Variants in PIK3C2G observed in about 807,000 individuals in gnomAD.
PIK3C2G encodes phosphatidylinositol 3-kinase C2 domain-containing subunit gamma.
PIK3C2G carries 168 observed loss-of-function variants against 181.1 expected under a neutral mutation model. That is an observed-to-expected ratio of 0.93 (90% CI 0.82 to 1.05). The LOEUF is 1.05. Among genes scored for constraint, PIK3C2G ranks in the 50% least tolerant of loss-of-function variants. The probability of loss-of-function intolerance (pLI) is 0.00; values close to 1 mark genes in which losing one functional copy is unlikely to be tolerated. For synonymous variants in PIK3C2G, 573 were observed against 592.2 expected, an observed-to-expected ratio of 0.97 and a Z score of 0.47; for missense variants, 1,869 against 1,732.8, an observed-to-expected ratio of 1.08 and a Z score of -1.40.
chr12:18,389,706 A>C (rs1943418732), intron 14 of PIK3C2G, among the ~76,000 whole-genome samples: 1 of 152,216 alleles, frequency 6.6e-6, no homozygotes, highest in African/African-American at 2.4e-5. Context: ...ATAGTAACTC[A>C]AGAATCAGTA....
intron 25 of PIK3C2G, among the ~76,000 whole-genome samples, chr12:18,541,385 C>T (rs935249491): frequency 4.0e-5 from 6 of 151,828 alleles, no homozygotes; most frequent in African/African-American, 7.2e-5. Flanking sequence ...AGAGTATTGC[C>T]GGCTGAGTTC....
At chr12:18,700,172 A>G in the PIK3C2G span, among the ~76,000 whole-genome samples, 6 of 152,130 alleles carry the variant, frequency 3.9e-5, no homozygotes, top group Non-Finnish European at 8.8e-5. Context: ...GATTAATGTA[A>G]TAAGTATTGA....
At chr12:18,538,402 C>A in intron 25 of PIK3C2G, 90 bp downstream of exon 25, 1 of 1,069,408 alleles carries the variant, frequency 9.4e-7, no homozygotes, top group Non-Finnish European at 1.4e-6. Context: ...CTTGGAGTTC[C>A]CCAAGGAGCT....
At chr12:18,491,137 C>T (rs1407036207) in intron 19 of PIK3C2G, among the ~76,000 whole-genome samples, 1 of 152,144 alleles carries the variant, frequency 6.6e-6, no homozygotes, top group Non-Finnish European at 1.5e-5. Context: ...TTGGCGGCCA[C>T]GCAGGTCAAG....
At chr12:18,466,602 T>C (rs1221308637) in intron 18 of PIK3C2G, among the ~76,000 whole-genome samples, 1 of 151,974 alleles carries the variant, frequency 6.6e-6, no homozygotes, top group Non-Finnish European at 1.5e-5. Flanking sequence ...CAGATAAGTC[T>C]ATTCTAAGGA....
At chr12:18,471,665 T>C (rs1025284048) in intron 18 of PIK3C2G, among the ~76,000 whole-genome samples, 3 of 152,178 alleles carry the variant, frequency 2.0e-5, no homozygotes, top group African/African-American at 7.2e-5. Context: ...CTGTGAACTT[T>C]CTACAATTAT....
intron 26 of PIK3C2G, among the ~76,000 whole-genome samples, chr12:18,556,567 G>A (rs565266850): frequency 2.0e-5 from 3 of 152,256 alleles, no homozygotes; most frequent in African/African-American, 7.2e-5. Context: ...ATATCTTCAT[G>A]AGAAGTGAGT....
chr12:18,282,465 C>T lies in PIK3C2G; in HGVS notation c.384C>T (p.Ser128=). ...CGAATAAAGAATGCTCCTGGGGAAGCCCCATAGGAAAACATCATGGTGCTG... is the reference window on the plus strand; with the variant it reads ...CGAATAAAGAATGCTCCTGGGGAAGTCCCATAGGAAAACATCATGGTGCTG... ...QNTNKECSWG[S]PIGKHHGADD... is the part of the protein sequence containing the mutation. The change falls in exon 2 of 33, where the codon AGC becomes AGT. Residue 128 remains serine, a synonymous_variant. Coordinates refer to ENST00000538779, the MANE Select transcript of PIK3C2G (RefSeq NM_001288772.2). 1.7e-6 allele frequency: 1 copy of T among 601,018 alleles called. No homozygotes were observed. The highest frequency in any genetic ancestry group is 2.5e-6 in the Non-Finnish European group (1 of 407,876). The allele number at this position is 601,018 out of a possible 1,614,324, so 37.2% of individuals were successfully genotyped here. A position where few individuals can be genotyped will look rare whatever the true frequency, so the allele number is the denominator to read the frequency against.
chr12:18,320,849 T>C, intron 6 of PIK3C2G, 113 bp from the exon 7 acceptor site: 1 of 652,726 alleles, frequency 1.5e-6, no homozygotes, highest in South Asian at 1.9e-5. Flanking sequence ...AAGCGATGAA[T>C]GAGGTTTATC....
chr12:18,331,167 A>C (rs577463434), intron 8 of PIK3C2G, among the ~76,000 whole-genome samples: 3 of 152,156 alleles, frequency 2.0e-5, no homozygotes, highest in Admixed American at 6.5e-5. Context: ...ATCAGGCAAT[A>C]TAAGTTCTCC....
chr12:18,718,128 TATA>T, the PIK3C2G span, among the ~76,000 whole-genome samples: 1 of 152,190 alleles, frequency 6.6e-6, no homozygotes, highest in Non-Finnish European at 1.5e-5. Context: ...TAGGTGAAGC[TATA>T]ATGTTTGGTA....
intron 24 of PIK3C2G, among the ~76,000 whole-genome samples, chr12:18,522,014 C>T (rs1040745573): frequency 2.0e-5 from 3 of 152,198 alleles, no homozygotes; most frequent in Non-Finnish European, 2.9e-5. Context: ...CTATGTGGCT[C>T]TCAGGTGGCC....
chr12:18,428,421 C>T (rs1286508147), intron 18 of PIK3C2G, among the ~76,000 whole-genome samples: 1 of 151,630 alleles, frequency 6.6e-6, no homozygotes, highest in African/African-American at 2.4e-5. Flanking sequence ...CTCAGATTCA[C>T]CATATTCAAA....
In PIK3C2G at chr12:18,388,910, C is replaced by CA. The variant is rs539834968; in HGVS notation, c.1996-2205dup. Among the ~76,000 whole-genome samples the CA allele has an allele frequency of 2.0e-4, 30 of 152,034 alleles. No individual in the cohort carries two copies. In the South Asian group the frequency reaches 3.7e-3, roughly 19 times the overall value. On this transcript the variant is annotated intron_variant, in intron 14 of 32. Transcript: ENST00000538779. Reference sequence around the variant, plus strand: ...TTTGAATATGTTCCTCTATCCCCCCCAAAAAAACATATTTTTGTTGCTGTT... The same window carrying CA: ...TTTGAATATGTTCCTCTATCCCCCCCAAAAAAAACATATTTTTGTTGCTGTT...
chr12:18,513,684 T>A (rs896019305), intron 24 of PIK3C2G, among the ~76,000 whole-genome samples: 1 of 151,790 alleles, frequency 6.6e-6, no homozygotes, highest in Non-Finnish European at 1.5e-5. Context: ...TAGTCTTTCT[T>A]TTTTTCCTAG....
chr12:18,497,722 G>T lies in PIK3C2G; in HGVS notation c.2990G>T (p.Arg997Ile), dbSNP rs1014103394. Residue 997 changes from arginine (R) to isoleucine (I), a missense_variant, in exon 22 of 33, where the codon AGA (arginine) becomes ATA (isoleucine). Coordinates refer to ENST00000538779, the MANE Select transcript of PIK3C2G (RefSeq NM_001288772.2). Reference sequence around the variant, plus strand: ...TTGGATATGCAAATGATCATTTATAGATGTCTATCCACAGGAAAAGACCAA... The same window carrying T: ...TTGGATATGCAAATGATCATTTATATATGTCTATCCACAGGAAAAGACCAA... Reference protein sequence around the residue: ...EGLDMQMIIYRCLSTGKDQGL... With the variant: ...EGLDMQMIIYICLSTGKDQGL... 1.9e-6 allele frequency: 3 copies of T among 1,612,330 alleles called. No homozygotes were observed. Among genetic ancestry groups the T allele is most frequent in the Non-Finnish European group, 1.7e-6 (2 of 1,178,808 alleles).
In PIK3C2G at chr12:18,421,190, T is replaced by G. The variant is rs575061769; in HGVS notation, c.2409+156T>G. Among the ~76,000 whole-genome samples the G allele has an allele frequency of 2.8e-4, 43 of 152,158 alleles. No individual in the cohort carries two copies. In the East Asian group the frequency reaches 8.3e-3, roughly 29 times the overall value. On this transcript the variant is annotated intron_variant, in intron 17 of 32. Coordinates refer to ENST00000538779, the MANE Select transcript of PIK3C2G (RefSeq NM_001288772.2). ...CAACATGGGTAATGAAGACATTCTC[T>G]AGCTGAAATTGTTACAATTACAAAA...
chr12:18,282,064 A>G lies in PIK3C2G; in HGVS notation c.-18A>G. ...TATTTGGAGCAGAGTCAACCCTCTCAGTTACATAAAATAAAAAATGGCATA... is the reference window on the plus strand; with the variant it reads ...TATTTGGAGCAGAGTCAACCCTCTCGGTTACATAAAATAAAAAATGGCATA... On this transcript the variant is annotated 5_prime_UTR_variant, in exon 2 of 33. Coordinates refer to ENST00000538779, the MANE Select transcript of PIK3C2G (RefSeq NM_001288772.2). The G allele has an allele frequency of 2.0e-6, 3 of 1,472,876 alleles. No individual in the cohort carries two copies. The highest frequency in any genetic ancestry group is 2.8e-6 in the Non-Finnish European group (3 of 1,072,432). The allele number at this position is 1,472,876 out of a possible 1,614,324, so 91.2% of individuals were successfully genotyped here. A position where few individuals can be genotyped will look rare whatever the true frequency, so the allele number is the denominator to read the frequency against.
intron 11 of PIK3C2G, among the ~76,000 whole-genome samples, chr12:18,361,341 G>T (rs1941219789): frequency 6.6e-6 from 1 of 151,700 alleles, no homozygotes; most frequent in African/African-American, 2.4e-5. Context: ...TTTATGATGG[G>T]TATTTTGAAC....
Sources: allele counts gnomAD v4.1 joint callset (sites outside exome capture counted in the v4.1 genomes callset), GRCh38; gene constraint gnomAD v4.1.1; transcripts MANE v1.5; gene names NCBI Gene and HGNC (gene_info 2026-07-23, HGNC 2026-07-21).